The following SPRR4 variants were observed in gnomAD, a reference collection of about 807,000 sequenced individuals.
SPRR4 encodes small proline-rich protein 4.
For synonymous variants in SPRR4, 30 were observed against 34.3 expected (o/e 0.87, Z 0.44); for missense variants, 106 against 91.6 (o/e 1.16, Z -0.64).
In SPRR4 at chr1:152,972,506, C is replaced by T. The variant is rs1442729724; in HGVS notation, c.*376C>T. 1 of 257,664 alleles carries T rather than the reference C, an allele frequency of 3.9e-6. No homozygotes were observed. Among genetic ancestry groups the T allele is most frequent in the African/African-American group, 2.2e-5 (1 of 44,538 alleles). 16.0% of individuals were successfully genotyped at this position (257,664 alleles called of 1,614,324 possible). ...GGTGCACAGTTTCTGCCTCATTCCT[C>T]TCCATGATGCCCCCTGCTCTGGGCT... On this transcript the variant is annotated 3_prime_UTR_variant, in exon 2 of 2. Transcript: ENST00000328051.
In SPRR4 at chr1:152,971,928, G is replaced by GC. The variant is rs755771649; in HGVS notation, c.41dup (p.Pro15ThrfsTer19). 1.9e-5 allele frequency: 30 copies of GC among 1,613,576 alleles called. No individual in the cohort carries two copies. In the African/African-American group the frequency reaches 3.2e-4, roughly 17 times the overall value. On this transcript the variant is annotated frameshift_variant, in exon 2 of 2. Transcript: ENST00000328051. LOFTEE classifies it low-confidence loss of function (END_TRUNC). ...CAGCAGCAGCGGCAGCAGCAGCAGTGCCCACCCCAGAGGGCCCAGCAGCAG... is the reference window on the plus strand; with the variant it reads ...CAGCAGCAGCGGCAGCAGCAGCAGTGCCCCACCCCAGAGGGCCCAGCAGCAG...
chr1:152,971,497 T>C (rs1337321131), intron 1 of SPRR4, among the ~76,000 whole-genome samples: 1 of 151,946 alleles, frequency 6.6e-6, no homozygotes, highest in African/African-American at 2.4e-5. Context: ...TGCCTTAGTC[T>C]CCCATGGTGA....
chr1:152,969,098 C>T (rs1268524681), upstream of SPRR4, among the ~76,000 whole-genome samples: 1 of 152,062 alleles, frequency 6.6e-6, no homozygotes, highest in East Asian at 1.9e-4. Context: ...GGAGGTCTGG[C>T]CTGGAGGGGA....
At chr1:152,971,158 G>C (rs1345212748) in intron 1 of SPRR4, among the ~76,000 whole-genome samples, 2 of 152,046 alleles carry the variant, frequency 1.3e-5, no homozygotes, top group Admixed American at 6.5e-5. Flanking sequence ...CCTGAGGCCT[G>C]CACTTCCCAT....
In SPRR4 at chr1:152,972,004, T is replaced by C. The variant is rs1651863927; in HGVS notation, c.114T>C (p.Cys38=). 1 of 1,614,038 alleles carries C rather than the reference T, an allele frequency of 6.2e-7. No individual in the cohort carries two copies. Among genetic ancestry groups the C allele is most frequent in the Non-Finnish European group, 8.5e-7 (1 of 1,180,004 alleles). ...QPPPVKCQET[C]APKTKDPCAP... is the part of the protein sequence containing the mutation. ...CCCCTGTTAAATGTCAAGAGACATG[T>C]GCACCCAAAACCAAGGATCCATGTG... Residue 38 remains cysteine, a synonymous_variant, in exon 2 of 2, where the codon TGT becomes TGC. Transcript: ENST00000328051.
Position 152,972,036 on chromosome 1 carries a change from A to T in SPRR4, c.146A>T (p.Gln49Leu), listed in dbSNP as rs1227196927. 1 of 1,613,996 alleles carries T rather than the reference A, an allele frequency of 6.2e-7. No individual in the cohort carries two copies. Among genetic ancestry groups the T allele is most frequent in the Non-Finnish European group, 8.5e-7 (1 of 1,179,968 alleles). The change falls in exon 2 of 2, where the codon CAG becomes CTG. Residue 49 changes from glutamine to leucine, a missense_variant. Gln to Leu is a moderately radical substitution (Grantham distance 113). Coordinates refer to ENST00000328051, the MANE Select transcript of SPRR4 (RefSeq NM_173080.3). ...APKTKDPCAP[Q>L]VKKQCPPKGT... ...AAAACCAAGGATCCATGTGCTCCCC[A>T]GGTCAAGAAGCAATGCCCACCGAAA...
Position 152,972,377 on chromosome 1 carries a change from A to T in SPRR4, c.*247A>T. Reference sequence around the variant, plus strand: ...GTGTGAGAGAGACCTCATTCTCTGCAGGCTCCAGCGTGGCCACAGCTAAGG... The same window carrying T: ...GTGTGAGAGAGACCTCATTCTCTGCTGGCTCCAGCGTGGCCACAGCTAAGG... On this transcript the variant is annotated 3_prime_UTR_variant, in exon 2 of 2. Coordinates refer to ENST00000328051, the MANE Select transcript of SPRR4 (RefSeq NM_173080.3). The T allele has an allele frequency of 1.7e-6, 1 of 587,404 alleles. No homozygotes were observed. Among genetic ancestry groups the T allele is most frequent in the Non-Finnish European group, 3.0e-6 (1 of 331,820 alleles). 36.4% of individuals were successfully genotyped at this position (587,404 alleles called of 1,614,324 possible). A position where few individuals can be genotyped will look rare whatever the true frequency, so the allele number is the denominator to read the frequency against.
At position 152,972,461 on chromosome 1, in the gene SPRR4, C is replaced by T. The variant is rs16834788; in HGVS notation, c.*331C>T. The T allele has an allele frequency of 0.022, 7,530 of 345,202 alleles. 448 individuals carry two copies. Among genetic ancestry groups the T allele is most frequent in the African/African-American group, 0.14 (6,578 of 47,396 alleles). The allele number at this position is 345,202 out of a possible 1,614,324, so 21.4% of individuals were successfully genotyped here. A position where few individuals can be genotyped will look rare whatever the true frequency, so the allele number is the denominator to read the frequency against. ...GGCTTCTTCTGGGGTTCCACCCTGA[C>T]AAGTAGGGTCACAGAGGCTGGTGCA... is the stretch of plus-strand genomic sequence containing the variant. On this transcript the variant is annotated 3_prime_UTR_variant, in exon 2 of 2. Transcript: ENST00000328051.
upstream of SPRR4, among the ~76,000 whole-genome samples, chr1:152,969,528 G>T (rs1009002634): frequency 6.6e-6 from 1 of 152,098 alleles, no homozygotes; most frequent in African/African-American, 2.4e-5. Flanking sequence ...TCCTGAGGTC[G>T]ATCTTTGGGG....
chr1:152,969,768 C>A (rs910577983), upstream of SPRR4, among the ~76,000 whole-genome samples: 1 of 152,246 alleles, frequency 6.6e-6, no homozygotes, highest in Admixed American at 6.5e-5. Context: ...TATACTTATA[C>A]TTTTAAAATA....
intron 1 of SPRR4, among the ~76,000 whole-genome samples, 191 bp from the exon 2 acceptor site, chr1:152,971,680 C>T (rs6671520): frequency 0.33 from 49,977 of 151,962 alleles, 10,564 homozygotes; most frequent in Non-Finnish European, 0.49. Flanking sequence ...CATGCCCCTA[C>T]ATCCTTGCCC....
chr1:152,972,155 C>T lies in SPRR4; in HGVS notation c.*25C>T. 1 of 1,613,480 alleles carries T rather than the reference C, an allele frequency of 6.2e-7. No homozygotes were observed. Among genetic ancestry groups the T allele is most frequent in the Non-Finnish European group, 8.5e-7 (1 of 1,179,574 alleles). Reference sequence around the variant, plus strand: ...AGGATGGACTGGATATTACCATCATCCACCATCCTGGCTACCAGATGGAAC... The same window carrying T: ...AGGATGGACTGGATATTACCATCATTCACCATCCTGGCTACCAGATGGAAC... On this transcript the variant is annotated 3_prime_UTR_variant, in exon 2 of 2. Coordinates refer to ENST00000328051, the MANE Select transcript of SPRR4 (RefSeq NM_173080.3).
upstream of SPRR4, chr1:152,970,595 T>G (rs1018199868): frequency 2.6e-5 from 4 of 152,186 alleles, no homozygotes; most frequent in African/African-American, 9.7e-5. Context: ...CCACACCAAG[T>G]GCCCAGGGCA....
chr1:152,968,789 G>T (rs115724337), upstream of SPRR4, among the ~76,000 whole-genome samples: 1,891 of 152,354 alleles, frequency 0.012, 35 homozygotes, highest in African/African-American at 0.043. Context: ...AAACCCACAT[G>T]GGTGACTGGG....
chr1:152,968,842 A>T (rs1311307763), upstream of SPRR4, among the ~76,000 whole-genome samples: 1 of 152,234 alleles, frequency 6.6e-6, no homozygotes, highest in Non-Finnish European at 1.5e-5. Flanking sequence ...GGCAATACAC[A>T]CATACCAGTG....
Position 152,971,904 on chromosome 1 carries a change from AGCAGCAGCG to A in SPRR4, c.23_31del (p.Arg8_Gln10del), listed in dbSNP as rs757244242. 1 of 1,614,028 alleles carries A rather than the reference AGCAGCAGCG, an allele frequency of 6.2e-7. No homozygotes were observed. Among genetic ancestry groups the A allele is most frequent in the Admixed American group, 1.7e-5 (1 of 60,002 alleles). On this transcript the variant is annotated inframe_deletion, in exon 2 of 2. Coordinates refer to ENST00000328051, the MANE Select transcript of SPRR4 (RefSeq NM_173080.3). ...GTTCCTAGAGCAATGTCTTCCCAGC[AGCAGCAGCG>A]GCAGCAGCAGCAGTGCCCACCCCAG...
upstream of SPRR4, among the ~76,000 whole-genome samples, chr1:152,969,706 T>C (rs1477984966): frequency 6.6e-6 from 1 of 152,248 alleles, no homozygotes; most frequent in East Asian, 1.9e-4. Flanking sequence ...GAAATTTGAA[T>C]TTCATATGAA....
At chr1:152,971,812 G>T (rs927504996) in intron 1 of SPRR4, 59 bp from the exon 2 acceptor site, 20 of 1,568,550 alleles carry the variant, frequency 1.3e-5, no homozygotes, top group Non-Finnish European at 1.6e-5. Context: ...TTTAAAAAGG[G>T]TGTTAAAAGG....
upstream of SPRR4, among the ~76,000 whole-genome samples, chr1:152,970,105 T>A (rs1244768214): frequency 6.6e-6 from 1 of 152,188 alleles, no homozygotes; most frequent in African/African-American, 2.4e-5. Context: ...TCAAATCCCA[T>A]CTCTGCTGTT....
Sources: allele counts gnomAD v4.1 joint callset (sites outside exome capture counted in the v4.1 genomes callset), GRCh38; gene constraint gnomAD v4.1.1; transcripts MANE v1.5; gene names NCBI Gene and HGNC (gene_info 2026-07-23, HGNC 2026-07-21).